The following DGKG variants were observed in gnomAD, a reference collection of about 807,000 sequenced individuals.
DGKG encodes DAG kinase gamma.
In DGKG, 78 loss-of-function variants were observed where a neutral mutation model predicts 105.3. The ratio of observed to expected loss-of-function variants is 0.74; its 90% CI spans 0.62 to 0.89. DGKG has a LOEUF of 0.89. DGKG is among the 40% of genes least tolerant of loss of function. DGKG has a pLI of 0.00. For synonymous variants in DGKG, 346 were observed against 367.1 expected (o/e 0.94, Z 0.66); for missense variants, 958 against 1,020.1 (o/e 0.94, Z 0.83).
chr3:186,314,299 G>T (rs1047876502), intron 2 of DGKG, among the ~76,000 whole-genome samples: 1 of 151,972 alleles, frequency 6.6e-6, no homozygotes, highest in African/African-American at 2.4e-5. Flanking sequence ...TGAAGCAAAT[G>T]AGTTTGTACT....
intron 2 of DGKG, among the ~76,000 whole-genome samples, chr3:186,313,996 T>A (rs925309475): frequency 2.6e-5 from 4 of 152,228 alleles, no homozygotes; most frequent in African/African-American, 9.6e-5. Flanking sequence ...CCTAAATATG[T>A]TCTCTGACTC....
At chr3:186,353,707 A>G (rs984340302) in intron 1 of DGKG, among the ~76,000 whole-genome samples, 2 of 87,458 alleles carry the variant, frequency 2.3e-5, no homozygotes, top group African/African-American at 6.8e-5. Flanking sequence ...TATCTATATA[A>G]CAGTGGACTC....
chr3:186,171,668 G>A (rs1560079565), intron 22 of DGKG, among the ~76,000 whole-genome samples: 1 of 152,160 alleles, frequency 6.6e-6, no homozygotes, highest in Non-Finnish European at 1.5e-5. Context: ...ATCTGCTCTT[G>A]GTTGAAGCTA....
At chr3:186,232,796 C>A (rs909577107) in intron 20 of DGKG, among the ~76,000 whole-genome samples, 7 of 152,150 alleles carry the variant, frequency 4.6e-5, no homozygotes, top group Admixed American at 2.6e-4. Context: ...TGATGACTTA[C>A]ACCCTATTTA....
intron 22 of DGKG, among the ~76,000 whole-genome samples, chr3:186,182,301 C>A (rs2108495511): frequency 6.6e-6 from 1 of 152,302 alleles, no homozygotes. Context: ...ATTATAAATA[C>A]CTTCCCCCAC....
intron 24 of DGKG, among the ~76,000 whole-genome samples, chr3:186,152,783 C>T (rs911414183): frequency 2.6e-5 from 4 of 152,162 alleles, no homozygotes; most frequent in Admixed American, 1.3e-4. Flanking sequence ...TCTGCCTCAG[C>T]CTCCTGAGTA....
At position 186,210,047 on chromosome 3, in the gene DGKG, C is replaced by T. The variant is rs913143377; in HGVS notation, c.1917+1748G>A. On this transcript the variant is annotated intron_variant, in intron 21 of 24. Coordinates refer to ENST00000265022, the MANE Select transcript of DGKG (RefSeq NM_001346.3). The surrounding 1 kb of genome is among the most constrained non-coding windows in gnomAD (Gnocchi z 5.2). ...CAGAGGCCACCAGTGTCTTTAGCAA[C>T]GAGGCCCCCTCTGCGGTTGAGGAAG... 6.6e-5 allele frequency among the ~76,000 whole-genome samples: 10 copies of T among 152,180 alleles called. No individual in the cohort carries two copies. The highest frequency in any genetic ancestry group is 2.1e-4 in the South Asian group (1 of 4,828).
intron 21 of DGKG, among the ~76,000 whole-genome samples, chr3:186,198,178 A>G (rs1718276928): frequency 6.6e-6 from 1 of 152,230 alleles, no homozygotes; most frequent in African/African-American, 2.4e-5. Flanking sequence ...AAACGTGATA[A>G]GGTTTCTTTG....
chr3:186,210,074 G>C lies in DGKG; in HGVS notation c.1917+1721C>G, dbSNP rs942751454. On this transcript the variant is annotated intron_variant, in intron 21 of 24. Transcript: ENST00000265022. The surrounding 1 kb of genome is among the most constrained non-coding windows in gnomAD (Gnocchi z 5.2). ...AGGCCCCCTCTGCGGTTGAGGAAGA[G>C]CCTCTGTCTCTCAAACCCAGAGGGG... is the stretch of plus-strand genomic sequence containing the variant. 6.6e-6 allele frequency among the ~76,000 whole-genome samples: 1 copy of C among 152,196 alleles called. No homozygotes were observed. The highest frequency in any genetic ancestry group is 1.5e-5 in the Non-Finnish European group (1 of 68,034).
intron 4 of DGKG, 23 bp downstream of exon 4, chr3:186,298,041 A>G (rs1723680117): frequency 3.8e-6 from 6 of 1,590,592 alleles, no homozygotes; most frequent in Non-Finnish European, 4.3e-6. Context: ...AGGTCTTCCC[A>G]TCTTGGGGAA....
At chr3:186,339,130 G>C (rs912200887) in intron 1 of DGKG, among the ~76,000 whole-genome samples, 1 of 152,242 alleles carries the variant, frequency 6.6e-6, no homozygotes, top group Admixed American at 6.5e-5. Flanking sequence ...TATAAAGTTG[G>C]TTAAAATAAT....
intron 3 of DGKG, among the ~76,000 whole-genome samples, chr3:186,299,818 T>TTTCTTTCTTTCTTTC (rs1723807160): frequency 9.2e-6 from 1 of 109,246 alleles, no homozygotes; most frequent in African/African-American, 3.5e-5. Flanking sequence ...TCTTTCTTTC[T>TTTCTTTCTTTCTTTC]TTCTTTCTTT....
rs548650538 is a variant in DGKG, at chr3:186,255,166, C to T, written c.1511-1984G>A. Among the ~76,000 whole-genome samples the T allele has an allele frequency of 5.9e-5, 9 of 152,322 alleles. No individual in the cohort carries two copies. In the South Asian group the frequency reaches 1.4e-3, roughly 25 times the overall value. ...TTCCCTGAATGTATTGTAACCTCCC[C>T]GAGGGGGACTGGGTCTCATTCTCAC... On this transcript the variant is annotated intron_variant, in intron 17 of 24. Transcript: ENST00000265022.
chr3:186,215,412 CAAAA>C (rs71632094), intron 20 of DGKG, among the ~76,000 whole-genome samples: 2 of 73,382 alleles, frequency 2.7e-5, no homozygotes, highest in Non-Finnish European at 2.5e-5. Flanking sequence ...CCCCCATCTC[CAAAA>C]AAAAAAAAAA....
chr3:186,233,349 A>C (rs1171836316), intron 20 of DGKG, among the ~76,000 whole-genome samples: 1 of 152,212 alleles, frequency 6.6e-6, no homozygotes, highest in Non-Finnish European at 1.5e-5. Context: ...TGGAAAAGGC[A>C]AGGAAACAGC....
chr3:186,208,751 C>T (rs934877149), intron 21 of DGKG, among the ~76,000 whole-genome samples: 2 of 152,188 alleles, frequency 1.3e-5, no homozygotes, highest in Non-Finnish European at 2.9e-5. Context: ...TCTCAGCACA[C>T]CTGCCCAGCT....
intron 20 of DGKG, among the ~76,000 whole-genome samples, chr3:186,233,767 G>A (rs1483290774): frequency 6.6e-6 from 1 of 152,240 alleles, no homozygotes; most frequent in Non-Finnish European, 1.5e-5. Context: ...ACAGGCGTGA[G>A]CCACCACGCC....
At chr3:186,302,460 C>CTATATA (rs58937810) in intron 3 of DGKG, among the ~76,000 whole-genome samples, 1 of 48,790 alleles carries the variant, frequency 2.0e-5, no homozygotes, top group Non-Finnish European at 4.1e-5. Flanking sequence ...GGGAAATGTG[C>CTATATA]TATATATATA....
At chr3:186,215,090 C>T (rs1021881161) in intron 20 of DGKG, among the ~76,000 whole-genome samples, 1 of 152,102 alleles carries the variant, frequency 6.6e-6, no homozygotes, top group Non-Finnish European at 1.5e-5. Context: ...GAAGGGTGGG[C>T]ACGCCACACT....
Sources: allele counts gnomAD v4.1 joint callset (sites outside exome capture counted in the v4.1 genomes callset), GRCh38; gene constraint gnomAD v4.1.1; non-coding constraint Gnocchi (gnomAD v3.1); transcripts MANE v1.5; gene names NCBI Gene and HGNC (gene_info 2026-07-23, HGNC 2026-07-21).